Variants in NHEJ1 observed in about 807,000 individuals in gnomAD.
NHEJ1 encodes non-homologous end joining factor 1.
NHEJ1 carries 22 observed loss-of-function variants against 39.4 expected under a neutral mutation model. The observed-to-expected ratio is 0.56, with a 90% confidence interval of 0.40 to 0.80. The LOEUF (loss-of-function observed/expected upper bound fraction) is 0.80. Among genes scored for constraint, NHEJ1 ranks in the 30% least tolerant of loss-of-function variants. NHEJ1 has a pLI of 0.00. For missense variants in NHEJ1, 329 were observed against 357.1 expected, an observed-to-expected ratio of 0.92 and a Z score of 0.63; for synonymous variants, 154 against 135.6, an observed-to-expected ratio of 1.14 and a Z score of -0.94.
chr2:219,141,244 G>A (rs1292501759), intron 5 of NHEJ1, among the ~76,000 whole-genome samples: 3 of 152,102 alleles, frequency 2.0e-5, no homozygotes, highest in Non-Finnish European at 4.4e-5. Context: ...GCTGGGCGTG[G>A]TGGCTCAAGC....
At chr2:219,099,834 G>A (rs947858395) in intron 5 of NHEJ1, among the ~76,000 whole-genome samples, 11 of 152,154 alleles carry the variant, frequency 7.2e-5, no homozygotes, top group Admixed American at 2.0e-4. Flanking sequence ...AGTAATGCTC[G>A]AGGAAGAGAC....
chr2:219,151,689 G>A (rs2106364709), intron 3 of NHEJ1, among the ~76,000 whole-genome samples: 1 of 152,238 alleles, frequency 6.6e-6, no homozygotes, highest in African/African-American at 2.4e-5. Context: ...GCATATGAGA[G>A]ACTAGATAAA....
At chr2:219,150,594 C>T (rs1458588830) in intron 3 of NHEJ1, among the ~76,000 whole-genome samples, 8 of 152,068 alleles carry the variant, frequency 5.3e-5, no homozygotes, top group African/African-American at 9.7e-5. Flanking sequence ...CCAAGGCAGG[C>T]GGATCGCTTG....
intron 5 of NHEJ1, chr2:219,125,521 A>G (rs2106347677): frequency 6.6e-6 from 1 of 152,488 alleles, no homozygotes; most frequent in Non-Finnish European, 1.5e-5. Context: ...CACACAAGGG[A>G]TCTTGTCTTG....
chr2:219,125,171 C>T (rs151252676), intron 5 of NHEJ1, among the ~76,000 whole-genome samples: 9 of 151,520 alleles, frequency 5.9e-5, no homozygotes, highest in African/African-American at 2.2e-4. Flanking sequence ...ACTTAAAAAC[C>T]CATACACATC....
chr2:219,080,524 T>TAAAA (rs1197303232), intron 5 of NHEJ1, among the ~76,000 whole-genome samples: 60 of 142,150 alleles, frequency 4.2e-4, no homozygotes, highest in African/African-American at 8.0e-4. Flanking sequence ...GACTCTGTCT[T>TAAAA]AAAAAAAAAT....
intron 3 of NHEJ1, among the ~76,000 whole-genome samples, chr2:219,148,436 G>C (rs995688186): frequency 6.6e-6 from 1 of 152,120 alleles, no homozygotes; most frequent in African/African-American, 2.4e-5. Context: ...GCATGCATCT[G>C]TAATCCCAAC....
At chr2:219,105,308 CT>C (rs1949303839) in intron 5 of NHEJ1, among the ~76,000 whole-genome samples, 1 of 152,080 alleles carries the variant, frequency 6.6e-6, no homozygotes, top group Non-Finnish European at 1.5e-5. Flanking sequence ...GAAGAAATAT[CT>C]AGAAAGATGT....
chr2:219,097,683 G>A (rs554865119), intron 5 of NHEJ1, among the ~76,000 whole-genome samples: 2 of 152,278 alleles, frequency 1.3e-5, no homozygotes, highest in South Asian at 4.1e-4. Flanking sequence ...GTGGGGGTTG[G>A]GGGTAGGGGA....
chr2:219,095,918 C>T (rs1304355520), intron 5 of NHEJ1, among the ~76,000 whole-genome samples: 1 of 151,498 alleles, frequency 6.6e-6, no homozygotes, highest in Non-Finnish European at 1.5e-5. Flanking sequence ...CTTGATAAAC[C>T]AAGATTTAGA....
intron 3 of NHEJ1, among the ~76,000 whole-genome samples, chr2:219,154,623 A>G (rs567717850): frequency 2.6e-5 from 4 of 152,208 alleles, no homozygotes; most frequent in East Asian, 3.9e-4. Context: ...TTTTCCATAT[A>G]AAGCTCTCTC....
At chr2:219,130,818 G>A (rs1449149272) in intron 5 of NHEJ1, among the ~76,000 whole-genome samples, 1 of 152,204 alleles carries the variant, frequency 6.6e-6, no homozygotes, top group African/African-American at 2.4e-5. Flanking sequence ...GCTGGTTGCA[G>A]TGCCTCAGGT....
At chr2:219,103,332 G>A (rs1381790454) in intron 5 of NHEJ1, among the ~76,000 whole-genome samples, 1 of 151,488 alleles carries the variant, frequency 6.6e-6, no homozygotes, top group Admixed American at 6.6e-5. Context: ...CTGGAATGCA[G>A]TGGCGCCATG....
At chr2:219,115,060 G>A (rs557507018) in intron 5 of NHEJ1, among the ~76,000 whole-genome samples, 1 of 152,172 alleles carries the variant, frequency 6.6e-6, no homozygotes, top group Non-Finnish European at 1.5e-5. Flanking sequence ...CTAACCACTT[G>A]AAAAGACCCG....
rs947307054 is a variant in NHEJ1, at chr2:219,073,780, TAGGCGGGG to T, written c.*2593_*2600del. ...GCCCCAGCCCCGGGGAGCGGGCGGG[TAGGCGGGG>T]AGGTGGGCCACTGCTTTATTAAACA... is the stretch of plus-strand genomic sequence containing the variant. On this transcript the variant is annotated 3_prime_UTR_variant, in exon 8 of 8. Transcript: ENST00000356853. Among the ~76,000 whole-genome samples the T allele has an allele frequency of 3.9e-5, 6 of 151,990 alleles. No individual in the cohort carries two copies. The highest frequency in any genetic ancestry group is 1.2e-4 in the African/African-American group (5 of 41,346).
chr2:219,116,015 AGG>A (rs149004722), intron 5 of NHEJ1, among the ~76,000 whole-genome samples: 18,613 of 152,020 alleles, frequency 0.12, 1,241 homozygotes, highest in African/African-American at 0.19. Flanking sequence ...AGCTACTCGG[AGG>A]GCTGAGGCAG....
intron 5 of NHEJ1, among the ~76,000 whole-genome samples, chr2:219,118,824 T>C (rs1293602923): frequency 6.6e-6 from 1 of 151,954 alleles, no homozygotes; most frequent in Non-Finnish European, 1.5e-5. Context: ...GTGGGGAAAT[T>C]AGGGGCGTCA....
At chr2:219,100,862 A>G (rs559245736) in intron 5 of NHEJ1, among the ~76,000 whole-genome samples, 5 of 152,274 alleles carry the variant, frequency 3.3e-5, no homozygotes, top group Admixed American at 2.6e-4. Flanking sequence ...TTCTTCCTCT[A>G]TGGGCATTTT....
In NHEJ1 at chr2:219,087,372, G is replaced by A. The variant is rs189142467; in HGVS notation, c.589-9166C>T. On this transcript the variant is annotated intron_variant, in intron 5 of 7. Coordinates refer to ENST00000356853, the MANE Select transcript of NHEJ1 (RefSeq NM_024782.3). ...TGTGCTACTAGCACTGTGCAGGAGT[G>A]CAGATTCCTTTTTTTTTTCCCTGAC... is the stretch of plus-strand genomic sequence containing the variant. Among the ~76,000 whole-genome samples the A allele has an allele frequency of 6.7e-4, 86 of 128,596 alleles. 1 individual carries two copies. The highest frequency in any genetic ancestry group is 4.2e-3 in the Admixed American group (53 of 12,492). 84.4% of individuals were successfully genotyped at this position (128,596 alleles called of 152,430 possible).
Sources: gnomAD v4.1 joint callset for allele counts (sites outside exome capture counted in the v4.1 genomes callset) on GRCh38, gnomAD v4.1.1 for gene constraint, MANE v1.5 for transcripts, NCBI Gene and HGNC (gene_info 2026-07-23, HGNC 2026-07-21) for gene names.